LPO: variants seen among roughly 807,000 people sequenced by gnomAD.
The protein encoded by LPO is lactoperoxidase.
Under a neutral mutation model 68.4 loss-of-function variants are expected in LPO, and 70 were observed. The ratio of observed to expected loss-of-function variants is 1.02; its 90% CI spans 0.84 to 1.25. The LOEUF is 1.25. Ranked by LOEUF, LPO falls within the 50% of genes most tolerant of loss-of-function variation. LPO has a pLI of 0.00. For missense variants in LPO, 873 were observed against 908.4 expected, an observed-to-expected ratio of 0.96 and a Z score of 0.50; for synonymous variants, 360 against 357.6, an observed-to-expected ratio of 1.01 and a Z score of -0.08.
chr17:58,266,519 G>A (rs535241760), intron 11 of LPO, among the ~76,000 whole-genome samples, 193 bp downstream of exon 11: 46 of 151,822 alleles, frequency 3.0e-4, no homozygotes, highest in South Asian at 6.2e-4. Flanking sequence ...AGAGTACAGC[G>A]GTGCGATCAC....
chr17:58,262,648 C>A (rs1388753901), intron 9 of LPO, among the ~76,000 whole-genome samples: 2 of 152,248 alleles, frequency 1.3e-5, no homozygotes, highest in Non-Finnish European at 2.9e-5. Flanking sequence ...CCGCCTCAGC[C>A]TCCCAAAGTG....
chr17:58,255,062 C>T, intron 9 of LPO, 91 bp downstream of exon 9: 3 of 1,377,992 alleles, frequency 2.2e-6, no homozygotes, highest in Non-Finnish European at 3.0e-6. Flanking sequence ...CAGGCTCTCT[C>T]CTCTGTTCCC....
intron 4 of LPO, among the ~76,000 whole-genome samples, chr17:58,248,334 T>C (rs1397644794): frequency 1.3e-5 from 2 of 152,112 alleles, no homozygotes; most frequent in African/African-American, 4.8e-5. Flanking sequence ...AGGTAAGAAG[T>C]AGGAAGCACT....
intron 1 of LPO, among the ~76,000 whole-genome samples, chr17:58,240,014 C>A: frequency 6.6e-6 from 1 of 152,058 alleles, no homozygotes; most frequent in East Asian, 1.9e-4. Flanking sequence ...TAAGATGGAG[C>A]CCTTGAGGAG....
At chr17:58,251,036 G>A (rs1969949937) in intron 7 of LPO, 1 of 213,064 alleles carries the variant, frequency 4.7e-6, no homozygotes, top group South Asian at 7.4e-5. Flanking sequence ...CCCAGCACTT[G>A]GGGAGGCTGA....
chr17:58,248,960 C>A, intron 4 of LPO, 100 bp from the exon 5 acceptor site: 1 of 882,806 alleles, frequency 1.1e-6, no homozygotes. Flanking sequence ...GAATGCATTC[C>A]AAAACATGCA....
In LPO at chr17:58,267,907, C is replaced by T. The variant is rs3744104; in HGVS notation, c.2052C>T (p.Phe684=). Residue 684 remains phenylalanine, a synonymous_variant, in exon 13 of 13, where the codon TTC becomes TTT. Transcript: ENST00000262290. ...TCACCAAGGTCCCACGGGACCCATT[C>T]TGGGCCAACAGCTACCCCTATGACT... is the stretch of plus-strand genomic sequence containing the variant. ...TRITKVPRDP[F]WANSYPYDFV... is the part of the protein sequence containing the mutation. 1.2e-5 allele frequency: 19 copies of T among 1,614,090 alleles called. No individual in the cohort carries two copies. In the East Asian group the frequency reaches 4.2e-4, roughly 36 times the overall value.
At chr17:58,264,461 G>A (rs906408243) in intron 9 of LPO, among the ~76,000 whole-genome samples, 2 of 152,272 alleles carry the variant, frequency 1.3e-5, no homozygotes, top group Admixed American at 1.3e-4. Context: ...AAGATAGTAC[G>A]TTTCATATGC....
intron 8 of LPO, 116 bp downstream of exon 8, chr17:58,252,622 C>A: frequency 9.9e-7 from 1 of 1,005,080 alleles, no homozygotes; most frequent in South Asian, 1.6e-5. Flanking sequence ...CCATTGCTGT[C>A]CCTAGCAGTG....
chr17:58,242,934 G>T (rs1259356460), intron 1 of LPO, 44 bp from the exon 2 acceptor site: 1 of 1,552,502 alleles, frequency 6.4e-7, no homozygotes, highest in Admixed American at 1.7e-5. Flanking sequence ...CCTCCCACTT[G>T]GTCTCTAGAG....
chr17:58,254,150 T>TA (rs755855332), intron 8 of LPO, among the ~76,000 whole-genome samples: 2 of 93,744 alleles, frequency 2.1e-5, no homozygotes, highest in African/African-American at 8.9e-5. Context: ...GATATATAGA[T>TA]ATATAGATAG....
At chr17:58,242,574 A>G (rs1969777690) in intron 1 of LPO, among the ~76,000 whole-genome samples, 1 of 152,196 alleles carries the variant, frequency 6.6e-6, no homozygotes, top group Admixed American at 6.5e-5. Flanking sequence ...CTGTGACAAG[A>G]CAGGTACAGC....
chr17:58,250,273 C>T (rs1969933581), intron 6 of LPO, 142 bp from the exon 7 acceptor site: 1 of 696,800 alleles, frequency 1.4e-6, no homozygotes, highest in Non-Finnish European at 2.6e-6. Context: ...ACAGAATAGG[C>T]TAATGCCACC....
At chr17:58,267,608 GA>G in intron 12 of LPO, 22 bp downstream of exon 12, 2 of 1,587,410 alleles carry the variant, frequency 1.3e-6, no homozygotes, top group East Asian at 4.5e-5. Flanking sequence ...CTCAGCCAGG[GA>G]GGGAAGGGCA....
rs188567960 is a variant in LPO, at chr17:58,244,458, G to A, written c.164+377G>A. On this transcript the variant is annotated intron_variant, in intron 3 of 12. Transcript: ENST00000262290. The stretch of plus-strand genomic sequence containing the variant: ...GATTCAGCCAGGTCCACCAGAAGCC[G>A]AATCCGAGCCCTGCATTCAGGTGCA... 7.1e-4 allele frequency: 160 copies of A among 224,650 alleles called. 1 individual carries two copies. In the South Asian group the frequency reaches 0.016, roughly 22 times the overall value. 13.9% of individuals were successfully genotyped at this position (224,650 alleles called of 1,614,324 possible). A position where few individuals can be genotyped will look rare whatever the true frequency, so the allele number is the denominator to read the frequency against.
In LPO at chr17:58,249,137, T is replaced by C. The variant is rs1969907491; in HGVS notation, c.403T>C (p.Cys135Arg). 6.2e-7 allele frequency: 1 copy of C among 1,614,204 alleles called. No individual in the cohort carries two copies. Among genetic ancestry groups the C allele is most frequent in the Non-Finnish European group, 8.5e-7 (1 of 1,180,020 alleles). Residue 135 changes from cysteine to arginine, a missense_variant, in exon 5 of 13, where the codon TGC becomes CGC. By Grantham distance (180) the Cys-to-Arg change is radical. Transcript: ENST00000262290. ...APAPVVRCDP[C>R]SPYRTITGDC... ...TGCTCCCGTGGTGAGATGCGACCCG[T>C]GCAGCCCTTACCGCACCATTACGGG...
intron 8 of LPO, chr17:58,254,459 C>T (rs1021546264): frequency 1.7e-4 from 27 of 160,932 alleles, no homozygotes; most frequent in Non-Finnish European, 3.2e-4. Context: ...TCCTAGAAGG[C>T]GGTTGGGTTA....
intron 9 of LPO, among the ~76,000 whole-genome samples, chr17:58,256,407 G>GTT (rs34122568): frequency 1.5e-4 from 21 of 138,686 alleles, no homozygotes; most frequent in African/African-American, 5.5e-4. Flanking sequence ...ATTTTTAGGT[G>GTT]TTTTTTTTTT....
chr17:58,267,620 G>T (rs374744485), intron 12 of LPO, 34 bp downstream of exon 12: 2 of 1,557,716 alleles, frequency 1.3e-6, no homozygotes, highest in Non-Finnish European at 1.8e-6. Flanking sequence ...GGGAAGGGCA[G>T]GGCCCTTCTC....
Sources: allele counts gnomAD v4.1 joint callset (sites outside exome capture counted in the v4.1 genomes callset), GRCh38; gene constraint gnomAD v4.1.1; transcripts MANE v1.5; gene names NCBI Gene and HGNC (gene_info 2026-07-23, HGNC 2026-07-21).